ZAP70: variants seen among roughly 807,000 people sequenced by gnomAD.
ZAP70 encodes tyrosine-protein kinase ZAP-70.
A neutral mutation model predicts 65.8 loss-of-function variants in ZAP70; 27 were observed. That is an observed-to-expected ratio of 0.41 (90% confidence interval 0.30 to 0.57). ZAP70 has a LOEUF of 0.57. Ranked by LOEUF, ZAP70 falls within the 20% of genes least tolerant of loss-of-function variation. The probability of loss-of-function intolerance (pLI) is 0.28; values close to 1 mark genes in which losing one functional copy is unlikely to be tolerated. For synonymous variants in ZAP70, 363 were observed against 360.8 expected, an observed-to-expected ratio of 1.01 and a Z score of -0.07; for missense variants, 696 against 870.5, an observed-to-expected ratio of 0.80 and a Z score of 2.52.
chr2:97,725,381 TTGTG>T (rs1156753308), intron 4 of ZAP70, 129 bp downstream of exon 4: 23 of 1,199,120 alleles, frequency 1.9e-5, no homozygotes, highest in African/African-American at 3.0e-5. Context: ...TGCAAGTGGG[TTGTG>T]TGTTTCTGAT....
At chr2:97,753,194 G>C in the ZAP70 span, among the ~76,000 whole-genome samples, 1 of 152,118 alleles carries the variant, frequency 6.6e-6, no homozygotes, top group African/African-American at 2.4e-5. Context: ...TACCTACACT[G>C]TTTTGTAAAA....
chr2:97,735,227 C>T, intron 9 of ZAP70, 23 bp from the exon 10 acceptor site: 2 of 1,613,288 alleles, frequency 1.2e-6, no homozygotes, highest in East Asian at 2.2e-5. Flanking sequence ...CGCCCACGTG[C>T]CTCCCGTGGC....
At chr2:97,752,626 A>G in the ZAP70 span, among the ~76,000 whole-genome samples, 1 of 152,196 alleles carries the variant, frequency 6.6e-6, no homozygotes, top group African/African-American at 2.4e-5. Flanking sequence ...TATTTGAATG[A>G]CCTTTTACTA....
chr2:97,716,576 A>G (rs1676922794), intron 2 of ZAP70, among the ~76,000 whole-genome samples: 1 of 152,150 alleles, frequency 6.6e-6, no homozygotes, highest in Non-Finnish European at 1.5e-5. Context: ...ACCTGAATAA[A>G]GTGGAAGGTG....
At chr2:97,724,482 G>C in intron 3 of ZAP70, 44 bp downstream of exon 3, 1 of 1,509,952 alleles carries the variant, frequency 6.6e-7, no homozygotes, top group Non-Finnish European at 8.8e-7. Flanking sequence ...GGGCGTGGCC[G>C]AAGAGGGGCA....
At chr2:97,735,109 G>A (rs1254645362) in intron 9 of ZAP70, 141 bp from the exon 10 acceptor site, 11 of 991,498 alleles carry the variant, frequency 1.1e-5, no homozygotes, top group Non-Finnish European at 1.5e-5. Flanking sequence ...GGGACATTGA[G>A]CGCCTTGGTC....
rs150491407 is a variant in ZAP70, at chr2:97,732,652, A to G, written c.564-231A>G. 326 of 621,930 alleles carry G rather than the reference A, an allele frequency of 5.2e-4. No homozygotes were observed. The African/African-American group carries it at 5.5e-3, about 11-fold the overall frequency. The allele number at this position is 621,930 out of a possible 1,614,324, so 38.5% of individuals were successfully genotyped here. A position where few individuals can be genotyped will look rare whatever the true frequency, so the allele number is the denominator to read the frequency against. On this transcript the variant is annotated intron_variant, in intron 4 of 13. Coordinates refer to ENST00000264972, the MANE Select transcript of ZAP70 (RefSeq NM_001079.4). ...GGCCATCTGTTGGCTCTTGGAGAACAGTGCATTTTCCTGGGAACACAGCCA... is the reference window on the plus strand; with the variant it reads ...GGCCATCTGTTGGCTCTTGGAGAACGGTGCATTTTCCTGGGAACACAGCCA...
At chr2:97,742,681 G>A (rs1481900495), downstream of ZAP70, among the ~76,000 whole-genome samples, 2 of 152,258 alleles carry the variant, frequency 1.3e-5, no homozygotes, top group African/African-American at 2.4e-5. Flanking sequence ...TGAAGCCCCA[G>A]GAAGGTATTT....
the ZAP70 span, among the ~76,000 whole-genome samples, chr2:97,746,440 C>A: frequency 6.6e-6 from 1 of 152,232 alleles, no homozygotes; most frequent in Non-Finnish European, 1.5e-5. Context: ...GTCTCTTGCT[C>A]AAGCACAACC....
rs117188399 is a variant in ZAP70, at chr2:97,738,653, G to A, written c.1736+546G>A. 8.4e-5 allele frequency: 17 copies of A among 202,714 alleles called. No homozygotes were observed. In the East Asian group the frequency reaches 1.1e-3, roughly 13 times the overall value. 12.6% of individuals were successfully genotyped at this position (202,714 alleles called of 1,614,324 possible). A position where few individuals can be genotyped will look rare whatever the true frequency, so the allele number is the denominator to read the frequency against. ...ACAGGCAACACACCCCCAGACAAGC[G>A]GACGCCCTAGACTGCCCATGCAATG... On this transcript the variant is annotated intron_variant, in intron 13 of 13. Coordinates refer to ENST00000264972, the MANE Select transcript of ZAP70 (RefSeq NM_001079.4).
In ZAP70 at chr2:97,736,897, T is replaced by A. The variant is rs1303022237; in HGVS notation, c.1290-576T>A. ...GAGCAGAGGAGGGGGAGGACCTGAC[T>A]CAGGGGCAGAGAGGACAAGACAGTG... On this transcript the variant is annotated intron_variant, in intron 10 of 13. Transcript: ENST00000264972. The surrounding 1 kb of genome is among the most constrained non-coding windows in gnomAD (Gnocchi z 4.0). 1.3e-5 allele frequency among the ~76,000 whole-genome samples: 2 copies of A among 151,830 alleles called. No individual in the cohort carries two copies. Among genetic ancestry groups the A allele is most frequent in the African/African-American group, 4.8e-5 (2 of 41,282 alleles).
chr2:97,738,245 C>A, intron 13 of ZAP70, 138 bp downstream of exon 13: 1 of 846,456 alleles, frequency 1.2e-6, no homozygotes, highest in South Asian at 1.6e-5. Context: ...TTTGCAGCTG[C>A]CCCCTACCCC....
rs959248968 is a variant in ZAP70, at chr2:97,736,928, C to A, written c.1290-545C>A. On this transcript the variant is annotated intron_variant, in intron 10 of 13. Coordinates refer to ENST00000264972, the MANE Select transcript of ZAP70 (RefSeq NM_001079.4). The surrounding 1 kb of genome is among the most constrained non-coding windows in gnomAD (Gnocchi z 4.0). ...GCAGAGAGGACAAGACAGTGGGAGA[C>A]AGGAGGGAGCGAGGGCCTGGGCGGA... Among the ~76,000 whole-genome samples, 3 of 151,960 alleles carry A rather than the reference C, an allele frequency of 2.0e-5. No individual in the cohort carries two copies. Among genetic ancestry groups the A allele is most frequent in the Admixed American group, 6.6e-5 (1 of 15,258 alleles).
intron 4 of ZAP70, 58 bp from the exon 5 acceptor site, chr2:97,732,825 C>T (rs1050522611): frequency 1.2e-5 from 20 of 1,609,716 alleles, no homozygotes; most frequent in Non-Finnish European, 1.7e-5. Context: ...GGAACCGGGG[C>T]ACAGCAGGAG....
chr2:97,734,003 G>C, intron 8 of ZAP70: 1 of 316,012 alleles, frequency 3.2e-6, no homozygotes, highest in Non-Finnish European at 6.0e-6. Context: ...CAGTGGTAGA[G>C]GCGGGATGTG....
At position 97,733,284 on chromosome 2, in the gene ZAP70, T is replaced by C; in HGVS notation, c.791-13T>C. 7.5e-6 allele frequency: 12 copies of C among 1,607,724 alleles called. No individual in the cohort carries two copies. The highest frequency in any genetic ancestry group is 1.0e-5 in the Non-Finnish European group (12 of 1,176,522). On this transcript the variant is annotated splice_polypyrimidine_tract_variant and intron_variant, in intron 6 of 13. Coordinates refer to ENST00000264972, the MANE Select transcript of ZAP70 (RefSeq NM_001079.4). ...CTGGCCCCCAGCCCTCACTGTCCCT[T>C]CTGCTCCCCCAGGGGCTGCTGCTCC...
chr2:97,716,879 C>T (rs973105265), intron 2 of ZAP70, among the ~76,000 whole-genome samples: 6 of 152,166 alleles, frequency 3.9e-5, no homozygotes, highest in African/African-American at 1.2e-4. Context: ...CCTGCAGCCC[C>T]AGTGCTGGAC....
chr2:97,749,155 G>A, the ZAP70 span, among the ~76,000 whole-genome samples: 7 of 151,924 alleles, frequency 4.6e-5, no homozygotes, highest in South Asian at 4.2e-4. Flanking sequence ...GACTACAGGC[G>A]CCCGCCACCA....
chr2:97,735,524 G>C (rs1677837393), intron 10 of ZAP70, 68 bp downstream of exon 10: 4 of 1,535,036 alleles, frequency 2.6e-6, no homozygotes, highest in Non-Finnish European at 3.5e-6. Context: ...TGGTGGACAT[G>C]CACCCGCGTG....
Sources: gnomAD v4.1 joint callset for allele counts (sites outside exome capture counted in the v4.1 genomes callset) on GRCh38, gnomAD v4.1.1 for gene constraint, Gnocchi (gnomAD v3.1) non-coding constraint, MANE v1.5 for transcripts, NCBI Gene and HGNC (gene_info 2026-07-23, HGNC 2026-07-21) for gene names.